Variants in EVC2 observed in about 807,000 individuals in gnomAD.
The protein encoded by EVC2 is limbin.
Under a neutral mutation model 149.3 loss-of-function variants are expected in EVC2, and 148 were observed. The observed-to-expected ratio is 0.99, with a 90% CI of 0.87 to 1.14. The LOEUF is 1.14. Ranked by LOEUF, EVC2 falls within the 50% of genes most tolerant of loss-of-function variation. EVC2 has a pLI of 0.00. For synonymous variants in EVC2, 776 were observed against 649.9 expected (o/e 1.19, Z -2.95); for missense variants, 1,854 against 1,627.3 (o/e 1.14, Z -2.40).
chr4:5,529,681 G>A, the EVC2 span, among the ~76,000 whole-genome samples: 1 of 152,162 alleles, frequency 6.6e-6, no homozygotes, highest in Non-Finnish European at 1.5e-5. This position sits in a 1 kb window ranked among gnomAD's most constrained non-coding sequence, Gnocchi z 4.5. Flanking sequence ...ATGTTCCCAT[G>A]TGGCTGAGTT....
intron 2 of EVC2, among the ~76,000 whole-genome samples, chr4:5,695,945 T>C (rs1380132450): frequency 6.6e-6 from 1 of 152,134 alleles, no homozygotes; most frequent in Non-Finnish European, 1.5e-5. Flanking sequence ...TTTTCCTTCC[T>C]TGGGTTGTAT....
chr4:5,565,218 C>T (rs1722196352), intron 21 of EVC2, 40 bp downstream of exon 21: 1 of 1,600,676 alleles, frequency 6.2e-7, no homozygotes, highest in East Asian at 2.2e-5. Flanking sequence ...CAGCTTAGCT[C>T]ACCCCCTCCC....
At chr4:5,565,398 G>A (rs765032859) in intron 20 of EVC2, 39 bp from the exon 21 acceptor site, 70 of 1,586,708 alleles carry the variant, frequency 4.4e-5, no homozygotes, top group Non-Finnish European at 5.6e-5. Context: ...TCAAAAATAC[G>A]CCTGTAATCC....
chr4:5,641,098 C>T (rs1357900059), intron 9 of EVC2, among the ~76,000 whole-genome samples: 2 of 152,102 alleles, frequency 1.3e-5, no homozygotes, highest in African/African-American at 4.8e-5. Flanking sequence ...CAACAAGTAA[C>T]AAGTCAGCAA....
At chr4:5,599,666 A>G (rs917273017) in intron 16 of EVC2, among the ~76,000 whole-genome samples, 1 of 152,146 alleles carries the variant, frequency 6.6e-6, no homozygotes, top group African/African-American at 2.4e-5. Context: ...GCACATGTAT[A>G]CATATGTAAC....
rs1217589968 is a variant in EVC2 at position 5,613,473 on chromosome 4, C to T, written c.2829+1949G>A. ...TACCCCCGAGTATGGCTACTTCCTC[C>T]CTGTGCCAGGAGCTCAATGTGCACA... On this transcript the variant is annotated intron_variant, in intron 16 of 21. Transcript: ENST00000344408. The surrounding 1 kb of genome is among the most constrained non-coding windows in gnomAD (Gnocchi z 4.6). Among the ~76,000 whole-genome samples the T allele has an allele frequency of 2.6e-5, 4 of 152,174 alleles. No homozygotes were observed. Among genetic ancestry groups the T allele is most frequent in the Non-Finnish European group, 5.9e-5 (4 of 68,024 alleles).
chr4:5,692,400 A>G (rs1721176936), intron 3 of EVC2, among the ~76,000 whole-genome samples: 1 of 152,070 alleles, frequency 6.6e-6, no homozygotes, highest in Non-Finnish European at 1.5e-5. Context: ...CATGAGTTCT[A>G]TTACTCCCAT....
intron 21 of EVC2, among the ~76,000 whole-genome samples, chr4:5,555,054 G>A (rs1382268555): frequency 1.5e-4 from 3 of 20,140 alleles, no homozygotes; most frequent in Non-Finnish European, 3.2e-4. Flanking sequence ...CTCTGCACAT[G>A]CATGTGTGTA....
intron 16 of EVC2, among the ~76,000 whole-genome samples, chr4:5,597,464 A>C (rs1430161580): frequency 6.6e-6 from 1 of 151,792 alleles, no homozygotes; most frequent in East Asian, 2.0e-4. Flanking sequence ...CAAAGACAAA[A>C]ACCACATGAT....
At chr4:5,704,265 G>A (rs1722001099) in intron 1 of EVC2, among the ~76,000 whole-genome samples, 1 of 152,158 alleles carries the variant, frequency 6.6e-6, no homozygotes, top group Admixed American at 6.5e-5. Context: ...TGAAAACTGT[G>A]TTGATTGTGG....
intron 9 of EVC2, among the ~76,000 whole-genome samples, chr4:5,650,310 A>C (rs1164673157): frequency 6.6e-6 from 1 of 152,040 alleles, no homozygotes; most frequent in African/African-American, 2.4e-5. Context: ...CTCTGCCTCA[A>C]ATCCTCCCTG....
intron 7 of EVC2, among the ~76,000 whole-genome samples, chr4:5,673,967 C>A (rs1272210530): frequency 1.3e-5 from 2 of 152,294 alleles, no homozygotes; most frequent in South Asian, 2.1e-4. Flanking sequence ...CCCACAGTGG[C>A]CTTATATTAA....
chr4:5,653,600 G>C (rs1718294724), intron 9 of EVC2, among the ~76,000 whole-genome samples: 1 of 152,150 alleles, frequency 6.6e-6, no homozygotes, highest in South Asian at 2.1e-4. Flanking sequence ...GGGGCATTTG[G>C]TAAAAACTAG....
intron 16 of EVC2, among the ~76,000 whole-genome samples, chr4:5,601,820 C>T (rs921348247): frequency 3.9e-5 from 6 of 152,174 alleles, no homozygotes; most frequent in Non-Finnish European, 7.3e-5. Flanking sequence ...AGGGAATTCA[C>T]AGTGTGACCC....
In EVC2 at chr4:5,565,288, T is replaced by C; in HGVS notation, c.3629A>G (p.Lys1210Arg). 1 of 1,614,048 alleles carries C rather than the reference T, an allele frequency of 6.2e-7. No homozygotes were observed. Among genetic ancestry groups the C allele is most frequent in the Non-Finnish European group, 8.5e-7 (1 of 1,179,980 alleles). Residue 1210 changes from lysine to arginine, a missense_variant, in exon 21 of 22, where the codon AAG becomes AGG. Coordinates refer to ENST00000344408, the MANE Select transcript of EVC2 (RefSeq NM_147127.5). Reference sequence around the variant, plus strand: ...CTTTCTCTTGCGGGCCCACAGCATCTTTTCTAATCCTCTGCTTATCAGATC... The same window carrying C: ...CTTTCTCTTGCGGGCCCACAGCATCCTTTCTAATCCTCTGCTTATCAGATC... ...RGDLISRGLE[K>R]MLWARKRKQS...
chr4:5,563,346 G>C (rs1722072223), intron 21 of EVC2, among the ~76,000 whole-genome samples: 2 of 152,108 alleles, frequency 1.3e-5, no homozygotes, highest in Admixed American at 6.5e-5. Context: ...TCCATTTTCA[G>C]GAGTTTTTTG....
Position 5,636,408 on chromosome 4 carries a change from C to A in EVC2, c.1470+4106G>T, listed in dbSNP as rs1460065322. 1.3e-5 allele frequency among the ~76,000 whole-genome samples: 2 copies of A among 152,232 alleles called. No individual in the cohort carries two copies. Among genetic ancestry groups the A allele is most frequent in the Admixed American group, 1.3e-4 (2 of 15,288 alleles). On this transcript the variant is annotated intron_variant, in intron 10 of 21. Transcript: ENST00000344408. The surrounding 1 kb of genome is among the most constrained non-coding windows in gnomAD (Gnocchi z 4.6). ...ATAACCACCTGCAGGTCAAAAATTT[C>A]TGTGTGTATTGAACACATACAGACT... is the stretch of plus-strand genomic sequence containing the variant.
intron 21 of EVC2, among the ~76,000 whole-genome samples, chr4:5,563,593 G>A (rs11938670): frequency 0.017 from 2,616 of 152,202 alleles, 61 homozygotes; most frequent in African/African-American, 0.059. Context: ...GCCCACATCG[G>A]CCTCTCAAAG....
In EVC2 at chr4:5,640,408, G is replaced by T. The variant is rs118034718; in HGVS notation, c.1470+106C>A. On this transcript the variant is annotated intron_variant, in intron 10 of 21. Transcript: ENST00000344408. The surrounding 1 kb of genome is among the most constrained non-coding windows in gnomAD (Gnocchi z 4.6). ...TGAGTGGGTGGTTGGATGGATGATG[G>T]GTAGACGGATGGAGGAGGCAAATGG... 7.2e-5 allele frequency: 94 copies of T among 1,306,408 alleles called. No individual in the cohort carries two copies. In the South Asian group the frequency reaches 1.0e-3, roughly 14 times the overall value. 80.9% of individuals were successfully genotyped at this position (1,306,408 alleles called of 1,614,324 possible).
Sources: allele counts gnomAD v4.1 joint callset (sites outside exome capture counted in the v4.1 genomes callset), GRCh38; gene constraint gnomAD v4.1.1; non-coding constraint Gnocchi (gnomAD v3.1); transcripts MANE v1.5; gene names NCBI Gene and HGNC (gene_info 2026-07-23, HGNC 2026-07-21).